Variants in SLC44A2 observed in about 807,000 individuals in gnomAD.
The protein encoded by SLC44A2 is solute carrier family 44 member 2 (CTL2 blood group).
In SLC44A2, 57 loss-of-function variants were observed where a neutral mutation model predicts 90.8. The observed-to-expected ratio is 0.63, with a 90% CI of 0.51 to 0.78. SLC44A2 has a LOEUF of 0.78. SLC44A2 is among the 30% of genes least tolerant of loss of function. The pLI, the probability that SLC44A2 is intolerant of heterozygous loss-of-function variation, is 0.00. For synonymous variants in SLC44A2, 355 were observed against 360.7 expected (o/e 0.98, Z 0.18); for missense variants, 794 against 919.7 (o/e 0.86, Z 1.77).
intron 1 of SLC44A2, among the ~76,000 whole-genome samples, chr19:10,618,065 C>T (rs1355453651): frequency 6.6e-6 from 1 of 152,118 alleles, no homozygotes; most frequent in Non-Finnish European, 1.5e-5. Flanking sequence ...AGTGCAGTGG[C>T]GTGATCTCGG....
In SLC44A2 at chr19:10,642,866, T is replaced by C. The variant is rs770241125; in HGVS notation, c.2015-413T>C. 5.2e-5 allele frequency: 81 copies of C among 1,552,940 alleles called. No individual in the cohort carries two copies. In the African/African-American group the frequency reaches 8.6e-4, roughly 16 times the overall value. On this transcript the variant is annotated intron_variant, in intron 21 of 21. Coordinates refer to ENST00000335757, the MANE Select transcript of SLC44A2 (RefSeq NM_020428.4). ...TCCCTCCCTTCCCGACCACCCCATT[T>C]TCCCCCTGCCGGTTCCCGGGGGGAG...
intron 1 of SLC44A2, among the ~76,000 whole-genome samples, chr19:10,609,745 G>A (rs949228458): frequency 6.6e-6 from 1 of 152,096 alleles, no homozygotes; most frequent in Non-Finnish European, 1.5e-5. Flanking sequence ...GATTACAGGT[G>A]TAAGCCACCA....
At chr19:10,602,806 C>T (rs1352890247) in intron 1 of SLC44A2, among the ~76,000 whole-genome samples, 1 of 152,152 alleles carries the variant, frequency 6.6e-6, no homozygotes, top group African/African-American at 2.4e-5. Context: ...GCGCATGCTC[C>T]GCCCGGGGAG....
chr19:10,622,971 G>A (rs558021195), upstream of SLC44A2, among the ~76,000 whole-genome samples: 1 of 152,326 alleles, frequency 6.6e-6, no homozygotes, highest in African/African-American at 2.4e-5. Flanking sequence ...GGAGACAGAT[G>A]TCACATAGGT....
chr19:10,621,640 C>T (rs562220210), upstream of SLC44A2, among the ~76,000 whole-genome samples: 6 of 151,888 alleles, frequency 4.0e-5, no homozygotes, highest in South Asian at 2.1e-4. Flanking sequence ...ATTTTTGAGA[C>T]GGAGTTTCAC....
At chr19:10,642,307 G>C (rs531989075) in intron 20 of SLC44A2, 60 bp from the exon 21 acceptor site, 9 of 1,438,824 alleles carry the variant, frequency 6.3e-6, no homozygotes, top group Middle Eastern at 1.7e-4. Flanking sequence ...ATGGACTCAG[G>C]GGGTGGGGGC....
Position 10,643,978 on chromosome 19 carries a change from CTGGGAGTGACGGG to C in SLC44A2, c.*602_*614del, listed in dbSNP as rs1303752953. On this transcript the variant is annotated 3_prime_UTR_variant, in exon 22 of 22. Transcript: ENST00000335757. ...GTGCCTTCCTTTTGCTCCCTCCTAG[CTGGGAGTGACGGG>C]TGGGAGTGTGTGTGCCCAGGTGGGG... The C allele has an allele frequency of 1.3e-5, 2 of 152,676 alleles. No homozygotes were observed. The highest frequency in any genetic ancestry group is 4.8e-5 in the African/African-American group (2 of 41,422). 9.5% of individuals were successfully genotyped at this position (152,676 alleles called of 1,614,324 possible). A position where few individuals can be genotyped will look rare whatever the true frequency, so the allele number is the denominator to read the frequency against.
intron 1 of SLC44A2, among the ~76,000 whole-genome samples, chr19:10,607,994 G>T (rs551557788): frequency 6.6e-6 from 1 of 150,862 alleles, no homozygotes; most frequent in African/African-American, 2.4e-5. Flanking sequence ...ATCCGCCCCC[G>T]CCTCGGCCTC....
chr19:10,641,893 C>T (rs1218936303), intron 20 of SLC44A2, among the ~76,000 whole-genome samples: 1 of 151,616 alleles, frequency 6.6e-6, no homozygotes, highest in African/African-American at 2.4e-5. Flanking sequence ...TGCGGTGGCT[C>T]ACGCCTGTAA....
At chr19:10,612,568 A>G (rs1918335609) in intron 1 of SLC44A2, among the ~76,000 whole-genome samples, 1 of 152,068 alleles carries the variant, frequency 6.6e-6, no homozygotes, top group Non-Finnish European at 1.5e-5. Flanking sequence ...CCAGGCACAG[A>G]CTTCTGGGAA....
At chr19:10,608,500 A>G (rs1918181782) in intron 1 of SLC44A2, among the ~76,000 whole-genome samples, 1 of 152,086 alleles carries the variant, frequency 6.6e-6, no homozygotes, top group Admixed American at 6.6e-5. Context: ...TAGATCCTAA[A>G]TATATGAGGC....
At chr19:10,637,795 G>A in intron 17 of SLC44A2, 48 bp downstream of exon 17, 1 of 1,613,332 alleles carries the variant, frequency 6.2e-7, no homozygotes. Context: ...CCTGCTGGGT[G>A]AGAGGACCAC....
intron 1 of SLC44A2, among the ~76,000 whole-genome samples, chr19:10,608,372 T>G (rs1476754810): frequency 6.6e-6 from 1 of 152,098 alleles, no homozygotes; most frequent in African/African-American, 2.4e-5. Flanking sequence ...GCACAATCTT[T>G]TTTCACGGTA....
At chr19:10,635,966 A>C (rs2067049923) in intron 14 of SLC44A2, 2 of 267,880 alleles carry the variant, frequency 7.5e-6, no homozygotes, top group Admixed American at 1.0e-4. Context: ...TTTAGTAAAG[A>C]CAGGGTTTCA....
intron 20 of SLC44A2, among the ~76,000 whole-genome samples, chr19:10,639,226 G>A (rs1006595293): frequency 3.3e-5 from 5 of 152,142 alleles, no homozygotes; most frequent in African/African-American, 4.8e-5. Flanking sequence ...GACCCACCAC[G>A]CCCGACCTCA....
chr19:10,609,252 G>T (rs540284274), intron 1 of SLC44A2, among the ~76,000 whole-genome samples: 6 of 151,714 alleles, frequency 4.0e-5, no homozygotes, highest in African/African-American at 1.5e-4. Context: ...AACCATGCCC[G>T]GCCCAGCCTA....
At chr19:10,607,698 T>A (rs1202079724) in intron 1 of SLC44A2, among the ~76,000 whole-genome samples, 3 of 150,868 alleles carry the variant, frequency 2.0e-5, no homozygotes, top group African/African-American at 7.3e-5. Flanking sequence ...TTGGAGAGGA[T>A]CTCTTGTCAA....
chr19:10,636,813 A>C, intron 16 of SLC44A2, 57 bp downstream of exon 16: 1 of 1,540,358 alleles, frequency 6.5e-7, no homozygotes. Flanking sequence ...CTGAATAGCG[A>C]ACCAGGATTG....
chr19:10,635,352 G>T lies in SLC44A2; in HGVS notation c.1149-79G>T, dbSNP rs531881857. 1.1e-5 allele frequency: 17 copies of T among 1,603,862 alleles called. No homozygotes were observed. In the East Asian group the frequency reaches 3.6e-4, roughly 34 times the overall value. ...CAGCTTAGGGATAGGGCTGGAAACT[G>T]GTGGGAGAATGGATTCTTTCCCACA... On this transcript the variant is annotated intron_variant, in intron 13 of 21. Transcript: ENST00000335757.
Sources: allele counts gnomAD v4.1 joint callset (sites outside exome capture counted in the v4.1 genomes callset), GRCh38; gene constraint gnomAD v4.1.1; transcripts MANE v1.5; gene names NCBI Gene and HGNC (gene_info 2026-07-23, HGNC 2026-07-21).